The following MYOF variants were observed in gnomAD, a reference collection of about 807,000 sequenced individuals.
The protein encoded by MYOF is myoferlin.
Under a neutral mutation model 284.2 loss-of-function variants are expected in MYOF, and 244 were observed. The ratio of observed to expected loss-of-function variants is 0.86; its 90% CI spans 0.77 to 0.95. The LOEUF is 0.95. Ranked by LOEUF, MYOF falls within the 40% of genes least tolerant of loss-of-function variation. MYOF has a pLI of 0.00. For missense variants in MYOF, 2,496 were observed against 2,560.6 expected (o/e 0.97, Z 0.54); for synonymous variants, 904 against 919.7 (o/e 0.98, Z 0.31).
chr10:93,316,866 T>C, intron 49 of MYOF, 53 bp from the exon 50 acceptor site: 1 of 1,458,154 alleles, frequency 6.9e-7, no homozygotes, highest in South Asian at 1.1e-5. Flanking sequence ...CACCTTTGGC[T>C]CCTTAAGACA....
At position 93,402,847 on chromosome 10, in the gene MYOF, G is replaced by A. The variant is rs1313129859; in HGVS notation, c.874+13C>T. On this transcript the variant is annotated intron_variant, in intron 10 of 53. Coordinates refer to ENST00000359263, the MANE Select transcript of MYOF (RefSeq NM_013451.4). ...ATTTAAGACTTCATATTGATGGGGA[G>A]AACATTACTTACCAGGTTCATCATA... 1.9e-6 allele frequency: 3 copies of A among 1,606,968 alleles called. No individual in the cohort carries two copies. The South Asian group carries it at 3.3e-5, about 18-fold the overall frequency.
At chr10:93,378,068 T>C (rs146497015) in intron 21 of MYOF, among the ~76,000 whole-genome samples, 46 of 152,342 alleles carry the variant, frequency 3.0e-4, no homozygotes, top group African/African-American at 9.6e-4. Context: ...GTTTCTAAAA[T>C]GCTATTCCCC....
At chr10:93,437,734 G>A (rs1050252868) in intron 3 of MYOF, among the ~76,000 whole-genome samples, 5 of 152,112 alleles carry the variant, frequency 3.3e-5, no homozygotes, top group Non-Finnish European at 7.4e-5. Context: ...TCAGTTGGCC[G>A]TGCCTTGTCA....
At chr10:93,431,624 C>T (rs1848875348) in intron 3 of MYOF, 108 bp from the exon 4 acceptor site, 3 of 815,866 alleles carry the variant, frequency 3.7e-6, no homozygotes, top group South Asian at 1.7e-5. Flanking sequence ...ATTGAAGTCA[C>T]TATAATGAGA....
rs1428298080 is a variant in MYOF at position 93,452,109 on chromosome 10, C to T, written c.177G>A (p.Leu59=). 6.2e-7 allele frequency: 1 copy of T among 1,612,686 alleles called. No homozygotes were observed. Among genetic ancestry groups the T allele is most frequent in the East Asian group, 2.2e-5 (1 of 44,850 alleles). The change falls in exon 3 of 54, where the codon CTG becomes CTA. Residue 59 remains leucine, a synonymous_variant. Transcript: ENST00000359263. ...TAATCCCAAGGGAAGATGAAAAGTC[C>T]AGTGGTATACCCCTCAAGTCAAACT... The part of the protein sequence containing the change: ...ILEFDLRGIP[L]DFSSSLGIIV...
At chr10:93,453,509 G>A (rs1447799636) in intron 2 of MYOF, among the ~76,000 whole-genome samples, 1 of 152,068 alleles carries the variant, frequency 6.6e-6, no homozygotes, top group Non-Finnish European at 1.5e-5. Flanking sequence ...ATGTTGGCCA[G>A]GCTGGTCTCA....
At chr10:93,457,343 T>G (rs1269772650) in intron 1 of MYOF, among the ~76,000 whole-genome samples, 1 of 152,212 alleles carries the variant, frequency 6.6e-6, no homozygotes, top group Non-Finnish European at 1.5e-5. Context: ...GATGCCCTGA[T>G]TTAAACCTGG....
chr10:93,349,597 CT>C, intron 36 of MYOF, among the ~76,000 whole-genome samples: 1 of 152,300 alleles, frequency 6.6e-6, no homozygotes, highest in Admixed American at 6.5e-5. Context: ...ACAGATATTT[CT>C]GTGCCACTGG....
At chr10:93,472,915 G>C (rs2057182215) in intron 1 of MYOF, among the ~76,000 whole-genome samples, 1 of 152,110 alleles carries the variant, frequency 6.6e-6, no homozygotes, top group African/African-American at 2.4e-5. Context: ...ATGAGCACCT[G>C]TCATGCAACA....
intron 29 of MYOF, among the ~76,000 whole-genome samples, chr10:93,358,042 G>C (rs1844895409): frequency 3.3e-5 from 5 of 152,104 alleles, no homozygotes; most frequent in African/African-American, 1.2e-4. Context: ...GAAAATTTTT[G>C]CAATCTATCC....
intron 39 of MYOF, among the ~76,000 whole-genome samples, chr10:93,339,522 T>C (rs1419305023): frequency 6.6e-6 from 1 of 151,956 alleles, no homozygotes; most frequent in East Asian, 2.0e-4. Flanking sequence ...TGGAGTACAG[T>C]GGTGCAATCT....
chr10:93,333,071 CTATT>C (rs1843408043), intron 43 of MYOF, 146 bp downstream of exon 43: 2 of 652,834 alleles, frequency 3.1e-6, no homozygotes, highest in South Asian at 2.0e-5. Context: ...TTGGGTTTAT[CTATT>C]TATTACCTGC....
intron 5 of MYOF, among the ~76,000 whole-genome samples, chr10:93,423,390 G>T (rs975954159): frequency 6.6e-6 from 1 of 151,396 alleles, no homozygotes; most frequent in Non-Finnish European, 1.5e-5. Flanking sequence ...AAGCGGGTGT[G>T]GTCGCGGGCG....
chr10:93,457,599 C>A (rs762303934), intron 1 of MYOF, among the ~76,000 whole-genome samples: 1 of 152,204 alleles, frequency 6.6e-6, no homozygotes, highest in Admixed American at 6.5e-5. Context: ...ACGAGCAAAT[C>A]CAGCAAGTGC....
At position 93,351,802 on chromosome 10, in the gene MYOF, C is replaced by A; in HGVS notation, c.3526G>T (p.Glu1176Ter). The A allele has an allele frequency of 6.3e-7, 1 of 1,590,504 alleles. No individual in the cohort carries two copies. The highest frequency in any genetic ancestry group is 2.0e-5 in the Admixed American group (1 of 50,976). Residue 1176 changes from glutamate (E) to a stop codon, truncating the protein, a stop_gained, in exon 33 of 54, where the codon GAG becomes TAG. Transcript: ENST00000359263. LOFTEE classifies it high-confidence loss of function. ...GGATTCAGGGTTGAATGGATGATCTCAGTGGTTTTGCTCCGATGGAGGAAA... is the reference window on the plus strand; with the variant it reads ...GGATTCAGGGTTGAATGGATGATCTAAGTGGTTTTGCTCCGATGGAGGAAA... Reference protein sequence around the residue: ...ICFLHRSKTTEIIHSTLNPTW... With the variant: ...ICFLHRSKTT
intron 30 of MYOF, 94 bp from the exon 31 acceptor site, chr10:93,355,830 AT>A: frequency 1.2e-6 from 1 of 860,656 alleles, no homozygotes; most frequent in Non-Finnish European, 1.9e-6. Flanking sequence ...AACAAATGGA[AT>A]TCTAGCTTTT....
intron 3 of MYOF, among the ~76,000 whole-genome samples, chr10:93,448,505 A>G (rs1166971414): frequency 6.6e-6 from 1 of 152,180 alleles, no homozygotes; most frequent in Non-Finnish European, 1.5e-5. Context: ...TAAGTATCGT[A>G]ACCTTCAGGA....
chr10:93,435,351 C>T (rs964988118), intron 3 of MYOF, among the ~76,000 whole-genome samples: 3 of 152,262 alleles, frequency 2.0e-5, no homozygotes, highest in African/African-American at 7.2e-5. Context: ...ATTTTGAACC[C>T]GTTAATTATT....
At chr10:93,408,367 A>C (rs992664110) in intron 7 of MYOF, among the ~76,000 whole-genome samples, 4 of 152,002 alleles carry the variant, frequency 2.6e-5, no homozygotes, top group Non-Finnish European at 1.5e-5. Context: ...ACATAGTGAA[A>C]CCTCTACTGA....
Sources: allele counts gnomAD v4.1 joint callset (sites outside exome capture counted in the v4.1 genomes callset), GRCh38; gene constraint gnomAD v4.1.1; transcripts MANE v1.5; gene names NCBI Gene and HGNC (gene_info 2026-07-23, HGNC 2026-07-21).